Variants in TTC12 observed in about 807,000 individuals in gnomAD.
TTC12 encodes the protein tetratricopeptide repeat domain 12, also known as tetratricopeptide repeat protein 12.
Under a neutral mutation model 90.1 loss-of-function variants are expected in TTC12, and 70 were observed. The observed-to-expected ratio is 0.78, with a 90% CI of 0.64 to 0.95. The LOEUF is 0.95. TTC12 is among the 40% of genes least tolerant of loss of function. The pLI, the probability that TTC12 is intolerant of heterozygous loss-of-function variation, is 0.00. For synonymous variants in TTC12, 296 were observed against 311.5 expected (o/e 0.95, Z 0.53); for missense variants, 819 against 846.1 (o/e 0.97, Z 0.40).
At chr11:113,355,442 T>A (rs567038173) in intron 16 of TTC12, among the ~76,000 whole-genome samples, 84 of 152,336 alleles carry the variant, frequency 5.5e-4, no homozygotes, top group Admixed American at 9.8e-4. Flanking sequence ...GGTTTTTATG[T>A]CTCAGTCTCC....
chr11:113,345,007 T>C (rs4987095), intron 13 of TTC12, among the ~76,000 whole-genome samples: 2,228 of 152,342 alleles, frequency 0.015, 50 homozygotes, highest in African/African-American at 0.048. Flanking sequence ...CTTTATAATT[T>C]ATTAGTTTAT....
intron 19 of TTC12, 50 bp downstream of exon 19, chr11:113,362,552 A>G (rs782225795): frequency 8.8e-6 from 11 of 1,251,064 alleles, no homozygotes; most frequent in African/African-American, 1.5e-5. Context: ...GAAGTCTCCT[A>G]TTTTATTCGG....
At chr11:113,364,755 C>A in intron 20 of TTC12, 80 bp from the exon 21 acceptor site, 1 of 1,167,502 alleles carries the variant, frequency 8.6e-7, no homozygotes, top group Non-Finnish European at 1.3e-6. Flanking sequence ...TGACATCTCC[C>A]TGCACCCCTC....
In TTC12 at chr11:113,341,839, G is replaced by A; in HGVS notation, c.899G>A (p.Cys300Tyr). 2 of 1,613,024 alleles carry A rather than the reference G, an allele frequency of 1.2e-6. No homozygotes were observed. Among genetic ancestry groups the A allele is most frequent in the Non-Finnish European group, 1.7e-6 (2 of 1,178,962 alleles). Reference protein sequence around the residue: ...IISDNEVIRRCFSTAGNDAVE... With the variant: ...IISDNEVIRRYFSTAGNDAVE... ...TAGCTCTCCTTTGTCCATTCTAGGT[G>A]TTTTTCCACAGCAGGAAATGATGCA... The change falls in exon 12 of 22, where the codon TGT becomes TAT. Residue 300 changes from cysteine to tyrosine, a missense_variant and splice_region_variant. Physicochemically the swap from Cys to Tyr is radical, Grantham distance 194 (BLOSUM62 -2). Transcript: ENST00000529221.
At chr11:113,353,478 T>A (rs937457588) in intron 16 of TTC12, among the ~76,000 whole-genome samples, 14 of 152,218 alleles carry the variant, frequency 9.2e-5, no homozygotes, top group African/African-American at 3.1e-4. Flanking sequence ...TAGATCTCAT[T>A]TGTCAGTTTT....
rs1315381108 is a variant in TTC12 at position 113,330,068 on chromosome 11, AG to A, written c.504+90del. The A allele has an allele frequency of 5.1e-6, 5 of 980,990 alleles. No homozygotes were observed. The Admixed American group carries it at 5.2e-5, about 10-fold the overall frequency. 60.8% of individuals were successfully genotyped at this position (980,990 alleles called of 1,614,324 possible). On this transcript the variant is annotated intron_variant, in intron 7 of 21. Transcript: ENST00000529221. ...AGTGTATCAAGATAGGAAAGGGTAT[AG>A]CCTCTGTAGCCAGAGCTTCAGTTTC...
chr11:113,350,526 C>T (rs529002579), intron 14 of TTC12, among the ~76,000 whole-genome samples: 1 of 152,206 alleles, frequency 6.6e-6, no homozygotes, highest in Non-Finnish European at 1.5e-5. Context: ...AGCGAGCCAG[C>T]GAGCCAGCAA....
At chr11:113,359,495 G>A (rs782393199) in intron 17 of TTC12, 34 bp downstream of exon 17, 2 of 1,425,472 alleles carry the variant, frequency 1.4e-6, no homozygotes, top group Admixed American at 3.4e-5. Context: ...CTGGAGCCCT[G>A]GGACAACCTG....
Position 113,344,277 on chromosome 11 carries a change from A to T in TTC12, c.991A>T (p.Asn331Tyr). The T allele has an allele frequency of 6.2e-7, 1 of 1,611,232 alleles. No individual in the cohort carries two copies. The change falls in exon 13 of 22, where the codon AAC becomes TAC. Residue 331 changes from asparagine to tyrosine, a missense_variant. By Grantham distance (143) the Asn-to-Tyr change is moderately radical (BLOSUM62 -2). Coordinates refer to ENST00000529221, the MANE Select transcript of TTC12 (RefSeq NM_017868.4). The part of the protein sequence containing the change: ...WQAVCSRNEE[N>Y]QRVLVIHHDR... The stretch of plus-strand genomic sequence containing the variant: ...ACAACCTCTGTGTTTTGCAGAGGAA[A>T]ACCAGCGTGTGCTAGTGATACACCA...
At chr11:113,343,259 G>T (rs1053590326) in intron 12 of TTC12, among the ~76,000 whole-genome samples, 1 of 152,158 alleles carries the variant, frequency 6.6e-6, no homozygotes, top group Non-Finnish European at 1.5e-5. Flanking sequence ...GGGCTTACCC[G>T]GAGGGGGTAT....
intron 16 of TTC12, among the ~76,000 whole-genome samples, chr11:113,353,057 C>T (rs1416288916): frequency 6.6e-6 from 1 of 152,202 alleles, no homozygotes; most frequent in East Asian, 1.9e-4. Flanking sequence ...CTGTCTTCCA[C>T]AATGGTTGAA....
intron 2 of TTC12, among the ~76,000 whole-genome samples, chr11:113,317,077 C>T (rs1946985088): frequency 6.6e-6 from 1 of 152,148 alleles, no homozygotes; most frequent in South Asian, 2.1e-4. Context: ...AATGCTTATC[C>T]CTGAATGCTG....
chr11:113,342,041 C>T (rs538360493), intron 12 of TTC12, 116 bp downstream of exon 12: 18 of 827,694 alleles, frequency 2.2e-5, no homozygotes, highest in East Asian at 1.5e-4. Context: ...TCTAGACTTC[C>T]GCACACACCC....
In TTC12 at chr11:113,316,269, TAAAGAG is replaced by T. The variant is rs1946935257; in HGVS notation, c.18_23del (p.Glu6_Lys7del). 1 of 1,471,738 alleles carries T rather than the reference TAAAGAG, an allele frequency of 6.8e-7. No homozygotes were observed. The highest frequency in any genetic ancestry group is 1.4e-5 in the African/African-American group (1 of 70,392). The allele number at this position is 1,471,738 out of a possible 1,614,324, so 91.2% of individuals were successfully genotyped here. ...GATTCCGGTTCACAATGGATGCTGA[TAAAGAG>T]AAAGATTTGCAGAAATTTCTTAAAA... On this transcript the variant is annotated inframe_deletion, in exon 2 of 22. Coordinates refer to ENST00000529221, the MANE Select transcript of TTC12 (RefSeq NM_017868.4).
At chr11:113,359,758 T>C (rs755443751) in intron 17 of TTC12, among the ~76,000 whole-genome samples, 182 bp from the exon 18 acceptor site, 1 of 152,170 alleles carries the variant, frequency 6.6e-6, no homozygotes, top group Non-Finnish European at 1.5e-5. Flanking sequence ...ATCAGGGTAA[T>C]GCCCTGGAGT....
chr11:113,356,352 C>G (rs1445778598), intron 16 of TTC12, among the ~76,000 whole-genome samples: 1 of 152,180 alleles, frequency 6.6e-6, no homozygotes, highest in East Asian at 1.9e-4. Context: ...GGATGGGTCT[C>G]TTGAAGACAG....
downstream of TTC12, chr11:113,368,385 C>T (rs545016942): frequency 4.0e-5 from 62 of 1,548,280 alleles, no homozygotes; most frequent in South Asian, 7.2e-4. Context: ...ATGGAAAATA[C>T]CAGCGCCATC....
At chr11:113,351,357 G>A (rs1185836240) in intron 15 of TTC12, 58 bp downstream of exon 15, 2 of 1,402,852 alleles carry the variant, frequency 1.4e-6, no homozygotes, top group African/African-American at 1.4e-5. Context: ...CGTGAATGGG[G>A]CTGTTTAAAC....
chr11:113,372,845 G>A (rs1950420763), intron 21 of TTC12, among the ~76,000 whole-genome samples: 1 of 152,090 alleles, frequency 6.6e-6, no homozygotes. Flanking sequence ...TGCTCACTAT[G>A]GTGTTCCAGC....
Sources: gnomAD v4.1 joint callset for allele counts (sites outside exome capture counted in the v4.1 genomes callset) on GRCh38, gnomAD v4.1.1 for gene constraint, MANE v1.5 for transcripts, NCBI Gene and HGNC (gene_info 2026-07-23, HGNC 2026-07-21) for gene names.